Variants in CSMD1 observed in about 807,000 individuals in gnomAD.
CSMD1 encodes the protein CUB and Sushi multiple domains 1, also known as CUB and sushi domain-containing protein 1.
In CSMD1, 213 loss-of-function variants were observed where a neutral mutation model predicts 417.5. The observed-to-expected ratio is 0.51, with a 90% CI of 0.46 to 0.57. The LOEUF (loss-of-function observed/expected upper bound fraction) is 0.57, where lower values mean the gene tolerates loss of function less well. Among genes scored for constraint, CSMD1 ranks in the 20% least tolerant of loss-of-function variants. CSMD1 has a pLI of 0.00. For missense variants in CSMD1, 6,923 were observed against 4,529.7 expected, an observed-to-expected ratio of 1.53 and a Z score of -15.17; for synonymous variants, 2,862 against 1,736.8, an observed-to-expected ratio of 1.65 and a Z score of -16.11.
chr8:3,973,504 C>A (rs945013761), intron 5 of CSMD1, among the ~76,000 whole-genome samples: 1 of 152,116 alleles, frequency 6.6e-6, no homozygotes, highest in African/African-American at 2.4e-5. Flanking sequence ...TACATCCCAA[C>A]AAATCATTCT....
chr8:4,471,723 G>A (rs986408016), intron 2 of CSMD1, among the ~76,000 whole-genome samples: 2 of 139,954 alleles, frequency 1.4e-5, no homozygotes, highest in African/African-American at 2.5e-5. Flanking sequence ...GAAAAATGCA[G>A]CAAACACGCG....
chr8:4,498,217 T>C (rs917836855), intron 2 of CSMD1, among the ~76,000 whole-genome samples: 13 of 152,200 alleles, frequency 8.5e-5, no homozygotes, highest in Admixed American at 6.5e-5. Flanking sequence ...GGTTGAACGA[T>C]GATTGTTGGC....
chr8:4,402,818 T>TC (rs1804737397), intron 3 of CSMD1, among the ~76,000 whole-genome samples: 121 of 66,296 alleles, frequency 1.8e-3, no homozygotes, highest in Non-Finnish European at 2.9e-3. Flanking sequence ...TTTTTTTTTT[T>TC]TTCTTTTTTT....
chr8:4,151,685 T>G (rs1166242228), intron 3 of CSMD1, among the ~76,000 whole-genome samples: 5 of 152,170 alleles, frequency 3.3e-5, no homozygotes, highest in African/African-American at 1.2e-4. Flanking sequence ...GTGAAAAAAA[T>G]CCAACTGATT....
At chr8:3,487,349 C>G (rs1352353526) in intron 11 of CSMD1, among the ~76,000 whole-genome samples, 4 of 152,014 alleles carry the variant, frequency 2.6e-5, no homozygotes, top group Non-Finnish European at 5.9e-5. Context: ...CTACAGGCGC[C>G]CGCCACCACG....
At chr8:4,704,108 A>G (rs1807762144) in intron 1 of CSMD1, among the ~76,000 whole-genome samples, 1 of 152,200 alleles carries the variant, frequency 6.6e-6, no homozygotes. Context: ...AACGTCTGAT[A>G]CAGGCCTTCA....
At chr8:4,440,636 G>A (rs1266578553) in intron 2 of CSMD1, among the ~76,000 whole-genome samples, 3 of 152,210 alleles carry the variant, frequency 2.0e-5, no homozygotes, top group East Asian at 1.9e-4. Flanking sequence ...TGATAGGGAA[G>A]AAAAATTGAT....
intron 10 of CSMD1, among the ~76,000 whole-genome samples, chr8:3,560,459 G>A (rs539829555): frequency 6.6e-6 from 1 of 152,252 alleles, no homozygotes; most frequent in East Asian, 1.9e-4. Flanking sequence ...CCAGGTCTGT[G>A]AACTCCAGAC....
chr8:4,410,479 G>T (rs574848910), intron 3 of CSMD1, among the ~76,000 whole-genome samples: 1 of 152,130 alleles, frequency 6.6e-6, no homozygotes, highest in South Asian at 2.1e-4. Context: ...TGTTTAAATA[G>T]AAAGTCATCT....
At chr8:4,134,021 AT>A (rs1407119139) in intron 3 of CSMD1, among the ~76,000 whole-genome samples, 5 of 152,202 alleles carry the variant, frequency 3.3e-5, no homozygotes, top group South Asian at 2.1e-4. Context: ...TTCAGTATAC[AT>A]TTTTTTAAAC....
chr8:3,470,248 T>C (rs748868194), intron 11 of CSMD1, among the ~76,000 whole-genome samples: 10 of 152,224 alleles, frequency 6.6e-5, no homozygotes, highest in Non-Finnish European at 1.5e-4. Flanking sequence ...AATGTATTCA[T>C]GTTATTGTTT....
At chr8:3,264,577 TA>T (rs1168615408) in intron 26 of CSMD1, among the ~76,000 whole-genome samples, 1 of 152,322 alleles carries the variant, frequency 6.6e-6, no homozygotes, top group African/African-American at 2.4e-5. Flanking sequence ...GAACAGAGAA[TA>T]AATATTAACA....
At chr8:4,695,683 C>G (rs1424301845) in intron 1 of CSMD1, among the ~76,000 whole-genome samples, 1 of 152,090 alleles carries the variant, frequency 6.6e-6, no homozygotes, top group Non-Finnish European at 1.5e-5. Flanking sequence ...GTTGATACAT[C>G]ATTATCACTC....
intron 5 of CSMD1, among the ~76,000 whole-genome samples, chr8:3,873,313 T>A (rs917597110): frequency 1.3e-5 from 2 of 151,898 alleles, no homozygotes; most frequent in African/African-American, 4.8e-5. Flanking sequence ...TAAATGCCCA[T>A]CAGCTGTAGA....
At chr8:4,198,081 G>C (rs920043207) in intron 3 of CSMD1, among the ~76,000 whole-genome samples, 2 of 152,230 alleles carry the variant, frequency 1.3e-5, no homozygotes, top group African/African-American at 2.4e-5. Context: ...CAAAGCGAGG[G>C]AAGTCTGGGA....
At chr8:4,610,227 G>C (rs1435577011) in intron 2 of CSMD1, among the ~76,000 whole-genome samples, 1 of 152,142 alleles carries the variant, frequency 6.6e-6, no homozygotes, top group Non-Finnish European at 1.5e-5. Flanking sequence ...ATGCAAGAAA[G>C]AGAGACTAAA....
At chr8:3,964,617 C>T (rs1202664706) in intron 5 of CSMD1, among the ~76,000 whole-genome samples, 2 of 152,166 alleles carry the variant, frequency 1.3e-5, no homozygotes, top group East Asian at 1.9e-4. Context: ...AATGTTTTAG[C>T]TAGTTGCAAA....
chr8:3,661,173 T>A (rs373682055), intron 7 of CSMD1, among the ~76,000 whole-genome samples: 1 of 152,180 alleles, frequency 6.6e-6, no homozygotes, highest in African/African-American at 2.4e-5. Flanking sequence ...TGTGGATGAA[T>A]TGCAACTAAC....
intron 2 of CSMD1, among the ~76,000 whole-genome samples, chr8:4,470,532 A>G (rs1004724173): frequency 6.6e-6 from 1 of 152,230 alleles, no homozygotes; most frequent in African/African-American, 2.4e-5. Context: ...AAATGAACTC[A>G]GACAAAAATG....
Sources: gnomAD v4.1 joint callset for allele counts (sites outside exome capture counted in the v4.1 genomes callset) on GRCh38, gnomAD v4.1.1 for gene constraint, MANE v1.5 for transcripts, NCBI Gene and HGNC (gene_info 2026-07-23, HGNC 2026-07-21) for gene names.